Variants in MGRN1 observed in about 807,000 individuals in gnomAD.
MGRN1 encodes mahogunin ring finger 1.
MGRN1 carries 29 observed loss-of-function variants against 69.2 expected under a neutral mutation model. The ratio of observed to expected loss-of-function variants is 0.42; its 90% CI spans 0.31 to 0.57. MGRN1 has a LOEUF of 0.57. Ranked by LOEUF, MGRN1 falls within the 20% of genes least tolerant of loss-of-function variation. The pLI is 0.15. For synonymous variants in MGRN1, 470 were observed against 344.2 expected (o/e 1.37, Z -4.04); for missense variants, 998 against 796.2 (o/e 1.25, Z -3.05).
chr16:4,649,178 C>G (rs1358119412), intron 1 of MGRN1: 2 of 152,388 alleles, frequency 1.3e-5, no homozygotes, highest in African/African-American at 4.8e-5. Context: ...TCAGACTGAA[C>G]GAACTAGCCC....
At chr16:4,686,972 C>G (rs778235149) in intron 16 of MGRN1, 8 of 985,456 alleles carry the variant, frequency 8.1e-6, no homozygotes, top group Non-Finnish European at 9.6e-6. Context: ...GAGTATCTTG[C>G]GTCCTGTCCT....
At chr16:4,686,413 G>GCATCCGCATCTTCC in intron 16 of MGRN1, 2 of 1,457,296 alleles carry the variant, frequency 1.4e-6, no homozygotes, top group Non-Finnish European at 1.8e-6. Context: ...GTCTTCGTCC[G>GCATCCGCATCTTCC]CATCCGCATC....
At position 4,655,686 on chromosome 16, in the gene MGRN1, G is replaced by C. The variant is rs923927147; in HGVS notation, c.444-1560G>C. Among the ~76,000 whole-genome samples the C allele has an allele frequency of 3.5e-4, 54 of 152,210 alleles. 1 individual carries two copies. Among genetic ancestry groups the C allele is most frequent in the Non-Finnish European group, 1.2e-4 (8 of 68,034 alleles). ...TCTCTCAGGACGCGGTGCAAGGCCA[G>C]CTTCCCCTCCCAGCAGGGATCACAG... On this transcript the variant is annotated intron_variant, in intron 4 of 16. Coordinates refer to ENST00000262370, the MANE Select transcript of MGRN1 (RefSeq NM_015246.4).
In MGRN1 at chr16:4,687,289, C is replaced by A. The variant is rs1252547623; in HGVS notation, c.1619-1507C>A. The A allele has an allele frequency of 4.1e-6, 4 of 985,178 alleles. No homozygotes were observed. In the African/African-American group the frequency reaches 7.0e-5, roughly 17 times the overall value. 61.0% of individuals were successfully genotyped at this position (985,178 alleles called of 1,614,324 possible). ...GGCTCTGTCCAGGCAGTGGTTCGCACCTATAAGCCCGGTACTTTGGGAGAC... is the reference window on the plus strand; with the variant it reads ...GGCTCTGTCCAGGCAGTGGTTCGCAACTATAAGCCCGGTACTTTGGGAGAC... On this transcript the variant is annotated intron_variant, in intron 16 of 16. Transcript: ENST00000262370.
At position 4,648,875 on chromosome 16, in the gene MGRN1, G is replaced by A. The variant is rs1441595564; in HGVS notation, c.89-1490G>A. ...CCGTGGTCACCCGGCTCCTCCTCTCGGGGACTCTTCCCGTGGTCACCCGGC... is the reference window on the plus strand; with the variant it reads ...CCGTGGTCACCCGGCTCCTCCTCTCAGGGACTCTTCCCGTGGTCACCCGGC... On this transcript the variant is annotated intron_variant, in intron 1 of 16. Coordinates refer to ENST00000262370, the MANE Select transcript of MGRN1 (RefSeq NM_015246.4). 6.2e-5 allele frequency among the ~76,000 whole-genome samples: 8 copies of A among 129,260 alleles called. 1 individual carries two copies. Among genetic ancestry groups the A allele is most frequent in the South Asian group, 2.5e-4 (1 of 4,050 alleles). The allele number at this position is 129,260 out of a possible 152,430, so 84.8% of individuals were successfully genotyped here. A position where few individuals can be genotyped will look rare whatever the true frequency, so the allele number is the denominator to read the frequency against.
At chr16:4,681,078 C>T (rs773802108) in intron 12 of MGRN1, among the ~76,000 whole-genome samples, 46 of 152,242 alleles carry the variant, frequency 3.0e-4, no homozygotes, top group African/African-American at 8.2e-4. Context: ...CCGTTAGAAC[C>T]ACCTGGAGCA....
intron 11 of MGRN1, among the ~76,000 whole-genome samples, chr16:4,678,067 G>A (rs1005416465): frequency 2.6e-5 from 4 of 152,132 alleles, no homozygotes; most frequent in African/African-American, 7.2e-5. Context: ...GGCTGGTCTC[G>A]AACTCTTGGG....
chr16:4,660,095 A>G (rs933182878), intron 5 of MGRN1, among the ~76,000 whole-genome samples: 1 of 152,212 alleles, frequency 6.6e-6, no homozygotes, highest in African/African-American at 2.4e-5. Flanking sequence ...TAGCATCAAG[A>G]GCGCAGCTGC....
chr16:4,664,729 G>C lies in MGRN1; in HGVS notation c.582G>C (p.Arg194=). The C allele has an allele frequency of 6.2e-7, 1 of 1,614,218 alleles. No individual in the cohort carries two copies. The highest frequency in any genetic ancestry group is 8.5e-7 in the Non-Finnish European group (1 of 1,180,042). Residue 194 remains arginine (R), a synonymous_variant, in exon 6 of 17, where the codon CGG becomes CGC. Coordinates refer to ENST00000262370, the MANE Select transcript of MGRN1 (RefSeq NM_015246.4). ...KDDELNFDLD[R]GVFPVVIQAV... ...CTCAGCTGAACTTTGACCTGGACCG[G>C]GGCGTGTTTCCAGTAGTCATCCAGG...
chr16:4,657,979 T>A (rs111446674), intron 5 of MGRN1, among the ~76,000 whole-genome samples: 10,655 of 151,114 alleles, frequency 0.071, 1,109 homozygotes, highest in African/African-American at 0.22. Context: ...CCTGACCTTG[T>A]GATCCGCCGG....
At chr16:4,681,978 C>T (rs569048702) in intron 13 of MGRN1, among the ~76,000 whole-genome samples, 85 of 151,530 alleles carry the variant, frequency 5.6e-4, no homozygotes, top group African/African-American at 1.8e-3. Context: ...GAAGAGCGTC[C>T]GGGCAGCTGG....
intron 12 of MGRN1, 57 bp downstream of exon 12, chr16:4,680,154 A>C: frequency 6.5e-7 from 1 of 1,539,566 alleles, no homozygotes; most frequent in Non-Finnish European, 8.9e-7. Context: ...TTTTAAACCC[A>C]CGACAAGTAG....
chr16:4,688,409 C>G (rs567159975), intron 16 of MGRN1: 27 of 1,026,532 alleles, frequency 2.6e-5, no homozygotes, highest in Non-Finnish European at 3.2e-5. Context: ...CTGGGTTGAC[C>G]GAGTTCCACC....
intron 5 of MGRN1, among the ~76,000 whole-genome samples, chr16:4,658,037 C>T (rs963717931): frequency 7.3e-5 from 11 of 151,664 alleles, no homozygotes; most frequent in African/African-American, 2.2e-4. Flanking sequence ...CCACCGTGCC[C>T]GGCCATTGCT....
chr16:4,661,301 G>C (rs1205825207), intron 5 of MGRN1, among the ~76,000 whole-genome samples: 1 of 152,202 alleles, frequency 6.6e-6, no homozygotes, highest in African/African-American at 2.4e-5. Context: ...GCTTTCTGAT[G>C]TGTGTGGACG....
intron 9 of MGRN1, chr16:4,672,470 G>A (rs1017359479): frequency 1.5e-5 from 7 of 456,744 alleles, no homozygotes; most frequent in East Asian, 6.9e-5. Flanking sequence ...GCAGCTCCAC[G>A]TGGCGGGAGC....
intron 4 of MGRN1, among the ~76,000 whole-genome samples, chr16:4,654,495 C>G (rs868065796): frequency 6.6e-6 from 1 of 152,232 alleles, no homozygotes; most frequent in Non-Finnish European, 1.5e-5. Context: ...CACATGTGCC[C>G]CAAGTGGCTT....
intron 13 of MGRN1, among the ~76,000 whole-genome samples, chr16:4,682,376 G>C (rs2079205845): frequency 6.6e-6 from 1 of 152,238 alleles, no homozygotes; most frequent in Admixed American, 6.5e-5. Context: ...AGCGGCGGCT[G>C]CCAGGGGGAC....
At chr16:4,641,402 C>T (rs542042502) in intron 1 of MGRN1, among the ~76,000 whole-genome samples, 83 of 146,500 alleles carry the variant, frequency 5.7e-4, no homozygotes, top group African/African-American at 2.0e-3. Context: ...GTGCAGTGGC[C>T]CAGGGGCCCA....
Sources: gnomAD v4.1 joint callset for allele counts (sites outside exome capture counted in the v4.1 genomes callset) on GRCh38, gnomAD v4.1.1 for gene constraint, MANE v1.5 for transcripts, NCBI Gene and HGNC (gene_info 2026-07-23, HGNC 2026-07-21) for gene names.